Variants in PIK3C2A observed in about 807,000 individuals in gnomAD.
The protein encoded by PIK3C2A is phosphatidylinositol-4-phosphate 3-kinase catalytic subunit type 2 alpha, also known as phosphatidylinositol 4-phosphate 3-kinase C2 domain-containing subunit alpha.
In PIK3C2A, 97 loss-of-function variants were observed where a neutral mutation model predicts 204.5. The ratio of observed to expected loss-of-function variants is 0.47; its 90% CI spans 0.40 to 0.56. The LOEUF (loss-of-function observed/expected upper bound fraction) is 0.56. Ranked by LOEUF, PIK3C2A falls within the 20% of genes least tolerant of loss-of-function variation. PIK3C2A has a pLI of 0.00. For missense variants in PIK3C2A, 1,735 were observed against 1,969.2 expected (o/e 0.88, Z 2.25); for synonymous variants, 653 against 664.4 (o/e 0.98, Z 0.26).
intron 2 of PIK3C2A, among the ~76,000 whole-genome samples, chr11:17,161,740 G>A (rs1352244356): frequency 6.6e-6 from 1 of 152,088 alleles, no homozygotes; most frequent in South Asian, 2.1e-4. Context: ...TTACCACAAA[G>A]CACAAAATTC....
chr11:17,165,644 G>A (rs1434380362), intron 2 of PIK3C2A, among the ~76,000 whole-genome samples: 3 of 151,922 alleles, frequency 2.0e-5, no homozygotes, highest in Admixed American at 2.0e-4. Flanking sequence ...TCGTGGTGGT[G>A]CATGACTGTA....
At chr11:17,161,119 T>C (rs966865834) in intron 2 of PIK3C2A, among the ~76,000 whole-genome samples, 1 of 152,148 alleles carries the variant, frequency 6.6e-6, no homozygotes, top group Non-Finnish European at 1.5e-5. Flanking sequence ...CTCTGTAAAG[T>C]AGTTACAAGA....
At chr11:17,132,361 C>T (rs1353978802) in intron 11 of PIK3C2A, among the ~76,000 whole-genome samples, 4 of 130,624 alleles carry the variant, frequency 3.1e-5, no homozygotes, top group Admixed American at 9.1e-5. Flanking sequence ...CTCGCTCTGT[C>T]GCCCAGGACG....
intron 1 of PIK3C2A, among the ~76,000 whole-genome samples, chr11:17,182,906 C>T (rs189939469): frequency 2.6e-5 from 4 of 152,266 alleles, no homozygotes; most frequent in Admixed American, 2.0e-4. Context: ...GCAGCATGAT[C>T]ACAGTTCACT....
rs1485996689 is a variant in PIK3C2A at position 17,190,018 on chromosome 11, A to G, written c.-66+17830T>C. Among the ~76,000 whole-genome samples, 3 of 152,152 alleles carry G rather than the reference A, an allele frequency of 2.0e-5. No individual in the cohort carries two copies. The East Asian group carries it at 5.8e-4, about 29-fold the overall frequency. ...GGTGGCTCAGGCCTGTAATCCCAGC[A>G]CTTTGGGAGGCCAAGGTGGGTGGAT... On this transcript the variant is annotated intron_variant, in intron 1 of 32. Transcript: ENST00000691414.
At chr11:17,165,599 AACC>A (rs1850915813) in intron 2 of PIK3C2A, among the ~76,000 whole-genome samples, 2 of 151,882 alleles carry the variant, frequency 1.3e-5, no homozygotes, top group African/African-American at 4.8e-5. Flanking sequence ...AACATGGAGA[AACC>A]GCGTCTCTAC....
intron 1 of PIK3C2A, among the ~76,000 whole-genome samples, chr11:17,178,883 C>A (rs937067040): frequency 6.6e-6 from 1 of 151,256 alleles, no homozygotes; most frequent in Non-Finnish European, 1.5e-5. Flanking sequence ...GCGCCCGCCA[C>A]CGCGCCCGGC....
intron 1 of PIK3C2A, among the ~76,000 whole-genome samples, chr11:17,190,865 A>G (rs1003656425): frequency 6.6e-6 from 1 of 152,148 alleles, no homozygotes; most frequent in Non-Finnish European, 1.5e-5. Flanking sequence ...ATGGTCTAAT[A>G]TAATGTGTAA....
intron 22 of PIK3C2A, among the ~76,000 whole-genome samples, chr11:17,106,489 TA>T (rs1245694874): frequency 2.6e-5 from 4 of 152,240 alleles, no homozygotes; most frequent in Non-Finnish European, 5.9e-5. Flanking sequence ...ATCTAACATG[TA>T]AACATCAATT....
intron 21 of PIK3C2A, 88 bp downstream of exon 21, chr11:17,112,486 A>C: frequency 1.6e-6 from 1 of 611,960 alleles, no homozygotes; most frequent in Non-Finnish European, 2.9e-6. Flanking sequence ...AAAAATATTA[A>C]ACAAAATCAC....
chr11:17,175,765 T>C (rs1490249428), intron 1 of PIK3C2A, among the ~76,000 whole-genome samples: 1 of 152,188 alleles, frequency 6.6e-6, no homozygotes, highest in Admixed American at 6.5e-5. Flanking sequence ...AGAATTAATT[T>C]AAAAGTTCTT....
intron 16 of PIK3C2A, among the ~76,000 whole-genome samples, chr11:17,119,556 T>C (rs1208484030): frequency 1.3e-5 from 2 of 152,346 alleles, no homozygotes; most frequent in Middle Eastern, 3.4e-3. Context: ...CATAAAAATA[T>C]AAATTATTCA....
intron 1 of PIK3C2A, among the ~76,000 whole-genome samples, chr11:17,207,455 A>C (rs1207468966): frequency 6.6e-6 from 1 of 152,226 alleles, no homozygotes; most frequent in Non-Finnish European, 1.5e-5. Context: ...ATCTGCCAAG[A>C]AAATAGGACC....
In PIK3C2A at chr11:17,145,630, C is replaced by A. The variant is rs184549369; in HGVS notation, c.1704+38G>T. 4.3e-4 allele frequency: 548 copies of A among 1,260,096 alleles called. 3 individuals carry two copies. Among genetic ancestry groups the A allele is most frequent in the Admixed American group, 8.0e-4 (44 of 54,720 alleles). 78.1% of individuals were successfully genotyped at this position (1,260,096 alleles called of 1,614,324 possible). ...TTTAAGAGAAAGAAGCAGCAAGAATCTTTAAGTCATTATGCCAAAATGTGA... is the reference window on the plus strand; with the variant it reads ...TTTAAGAGAAAGAAGCAGCAAGAATATTTAAGTCATTATGCCAAAATGTGA... On this transcript the variant is annotated intron_variant, in intron 8 of 32. Coordinates refer to ENST00000691414, the MANE Select transcript of PIK3C2A (RefSeq NM_002645.4).
chr11:17,196,389 A>C (rs1456656749), intron 1 of PIK3C2A, among the ~76,000 whole-genome samples: 1 of 152,196 alleles, frequency 6.6e-6, no homozygotes, highest in Non-Finnish European at 1.5e-5. Context: ...AAACTGGGAG[A>C]CCAATTAACA....
At position 17,119,807 on chromosome 11, in the gene PIK3C2A, G is replaced by C. The variant is rs972103484; in HGVS notation, c.2825C>G (p.Ala942Gly). Residue 942 changes from alanine (A) to glycine (G), a missense_variant, in exon 16 of 33, where the codon GCA becomes GGA. Physicochemically the swap from Ala to Gly is moderately conservative, Grantham distance 60. Transcript: ENST00000691414. ...TTACTTTGAATCAAGAAGTTCCAAT[G>C]CAATTAGTGGGTACAATGCAGGCCA... is the stretch of plus-strand genomic sequence containing the variant. ...HQWPALYPLI[A>G]LELLDSKFAD... 5 of 1,553,564 alleles carry C rather than the reference G, an allele frequency of 3.2e-6. No individual in the cohort carries two copies. The African/African-American group carries it at 5.6e-5, about 17-fold the overall frequency.
At chr11:17,179,008 C>T (rs996250816) in intron 1 of PIK3C2A, among the ~76,000 whole-genome samples, 16 of 151,674 alleles carry the variant, frequency 1.1e-4, no homozygotes, top group Admixed American at 7.9e-4. Flanking sequence ...GGATTACAGG[C>T]GTGAGCCACC....
At chr11:17,123,116 G>C (rs753370649) in intron 13 of PIK3C2A, among the ~76,000 whole-genome samples, 4 of 152,110 alleles carry the variant, frequency 2.6e-5, no homozygotes, top group African/African-American at 9.7e-5. Context: ...TCTAGAAATA[G>C]GAAGTTTAAG....
chr11:17,160,030 T>C (rs1202626842), intron 2 of PIK3C2A, among the ~76,000 whole-genome samples: 1 of 152,174 alleles, frequency 6.6e-6, no homozygotes, highest in Non-Finnish European at 1.5e-5. Context: ...CAAACATTAA[T>C]CTGACCCAAA....
Sources: allele counts gnomAD v4.1 joint callset (sites outside exome capture counted in the v4.1 genomes callset), GRCh38; gene constraint gnomAD v4.1.1; transcripts MANE v1.5; gene names NCBI Gene and HGNC (gene_info 2026-07-23, HGNC 2026-07-21).